The following EFR3A variants were observed in gnomAD, a reference collection of about 807,000 sequenced individuals.
The protein encoded by EFR3A is EFR3 homolog A, also known as protein EFR3 homolog A.
A neutral mutation model predicts 104.4 loss-of-function variants in EFR3A; 76 were observed. The observed-to-expected ratio is 0.73, with a 90% CI of 0.60 to 0.88. The LOEUF (loss-of-function observed/expected upper bound fraction) is 0.88. Ranked by LOEUF, EFR3A falls within the 40% of genes least tolerant of loss-of-function variation. The probability of loss-of-function intolerance (pLI) is 0.00; values close to 1 mark genes in which losing one functional copy is unlikely to be tolerated. For missense variants in EFR3A, 985 were observed against 1,012.5 expected, an observed-to-expected ratio of 0.97 and a Z score of 0.37; for synonymous variants, 330 against 330.0, an observed-to-expected ratio of 1.00 and a Z score of 0.00.
chr8:131,909,905 C>T (rs754698077), intron 1 of EFR3A, among the ~76,000 whole-genome samples: 3 of 152,196 alleles, frequency 2.0e-5, no homozygotes, highest in Non-Finnish European at 4.4e-5. Flanking sequence ...ATGTTATAGA[C>T]CATACTATGC....
chr8:132,002,144 G>C (rs1241230551), intron 20 of EFR3A, among the ~76,000 whole-genome samples: 1 of 152,118 alleles, frequency 6.6e-6, no homozygotes, highest in African/African-American at 2.4e-5. Flanking sequence ...AATGGAAAAG[G>C]CTACAACAAC....
chr8:131,992,188 T>C (rs1318586310), intron 18 of EFR3A, among the ~76,000 whole-genome samples: 1 of 152,140 alleles, frequency 6.6e-6, no homozygotes, highest in Non-Finnish European at 1.5e-5. Context: ...TATAAGCAGA[T>C]CAGCAGGCAT....
At chr8:131,951,234 A>G (rs982059428) in intron 5 of EFR3A, among the ~76,000 whole-genome samples, 5 of 152,138 alleles carry the variant, frequency 3.3e-5, no homozygotes, top group African/African-American at 1.2e-4. Context: ...ATTTTCAGGT[A>G]TAAGATTTGT....
At chr8:132,008,025 C>T (rs1822131953) in intron 22 of EFR3A, among the ~76,000 whole-genome samples, 1 of 151,928 alleles carries the variant, frequency 6.6e-6, no homozygotes, top group African/African-American at 2.4e-5. Flanking sequence ...AGAGTCCTCT[C>T]AGTCTTAAAA....
intron 10 of EFR3A, among the ~76,000 whole-genome samples, chr8:131,972,256 C>CAT (rs1554601639): frequency 7.2e-6 from 1 of 139,616 alleles, no homozygotes; most frequent in African/African-American, 2.7e-5. Flanking sequence ...CTCCCTGAAC[C>CAT]TTTTTTTTTT....
chr8:131,968,557 T>G, intron 9 of EFR3A, 127 bp downstream of exon 9: 1 of 1,053,414 alleles, frequency 9.5e-7, no homozygotes, highest in Non-Finnish European at 1.3e-6. Flanking sequence ...ACAATAATTT[T>G]TTTTGAAATT....
At chr8:131,984,052 G>A in intron 14 of EFR3A, 87 bp from the exon 15 acceptor site, 1 of 1,182,008 alleles carries the variant, frequency 8.5e-7, no homozygotes, top group Non-Finnish European at 1.1e-6. Flanking sequence ...TAATAACATA[G>A]CTACACTGTA....
chr8:131,931,962 T>TTA (rs1396446107), intron 1 of EFR3A, among the ~76,000 whole-genome samples: 1 of 152,010 alleles, frequency 6.6e-6, no homozygotes, highest in Non-Finnish European at 1.5e-5. Context: ...TGGTCAAAGT[T>TTA]TATGCCACTG....
chr8:131,963,475 A>C (rs925015445), intron 8 of EFR3A, among the ~76,000 whole-genome samples: 1 of 152,218 alleles, frequency 6.6e-6, no homozygotes, highest in Non-Finnish European at 1.5e-5. Context: ...ATCTAGAAGA[A>C]ATAGTTAAAT....
Position 131,978,918 on chromosome 8 carries a change from A to G in EFR3A, c.1398A>G (p.Ser466=). Residue 466 remains serine (S), a synonymous_variant, in exon 13 of 23, where the codon TCA becomes TCG. Transcript: ENST00000254624. ...LPGSFLDPLL[S]PSLMEDYELR... The stretch of plus-strand genomic sequence containing the variant: ...GGTCTTTCCTGGATCCTTTGTTATC[A>G]CCATCTCTCATGGAGGACTACGAAC... 1 of 1,613,092 alleles carries G rather than the reference A, an allele frequency of 6.2e-7. No homozygotes were observed. Among genetic ancestry groups the G allele is most frequent in the Non-Finnish European group, 8.5e-7 (1 of 1,179,282 alleles).
In EFR3A at chr8:131,985,021, G is replaced by A; in HGVS notation, c.1830G>A (p.Gln610=). 1.2e-6 allele frequency: 2 copies of A among 1,613,656 alleles called. No homozygotes were observed. The highest frequency in any genetic ancestry group is 1.7e-6 in the Non-Finnish European group (2 of 1,179,650). The part of the protein sequence containing the change: ...LVAAYLNFVS[Q]MIAVPAFCQH... ...CAGCATACCTCAACTTTGTAAGTCA[G>A]ATGATAGCTGTCCCTGCATTTTGCC... The change falls in exon 16 of 23, where the codon CAG becomes CAA. Residue 610 remains glutamine, a synonymous_variant. Coordinates refer to ENST00000254624, the MANE Select transcript of EFR3A (RefSeq NM_015137.6).
chr8:131,995,572 A>T (rs1486198648), intron 18 of EFR3A, among the ~76,000 whole-genome samples: 2 of 152,220 alleles, frequency 1.3e-5, no homozygotes, highest in East Asian at 3.8e-4. Flanking sequence ...TCAAATGTTC[A>T]TGAAGTGGTT....
chr8:131,953,505 A>G (rs1421438850), intron 5 of EFR3A, among the ~76,000 whole-genome samples: 4 of 152,128 alleles, frequency 2.6e-5, no homozygotes, highest in East Asian at 1.9e-4. Context: ...ATGGAGTATC[A>G]TTATCATTTT....
chr8:131,969,661 G>A (rs1410138534), intron 9 of EFR3A, among the ~76,000 whole-genome samples: 1 of 151,920 alleles, frequency 6.6e-6, no homozygotes, highest in African/African-American at 2.4e-5. Flanking sequence ...ATAAAGGTGG[G>A]CATCTTGGAT....
chr8:131,997,389 T>G (rs185963476), intron 19 of EFR3A, among the ~76,000 whole-genome samples: 87 of 152,220 alleles, frequency 5.7e-4, no homozygotes, highest in Non-Finnish European at 8.5e-4. Flanking sequence ...CCTATTGATT[T>G]ATTTGTCTTC....
In EFR3A at chr8:131,968,550, A is replaced by G. The variant is rs1586623536; in HGVS notation, c.991+120A>G. 2.7e-6 allele frequency: 3 copies of G among 1,131,172 alleles called. No homozygotes were observed. The East Asian group carries it at 8.0e-5, about 30-fold the overall frequency. 70.1% of individuals were successfully genotyped at this position (1,131,172 alleles called of 1,614,324 possible). A position where few individuals can be genotyped will look rare whatever the true frequency, so the allele number is the denominator to read the frequency against. Reference sequence around the variant, plus strand: ...ATTTCTACACATTTTTCGGTGTACAATAATTTTTTTTGAAATTTGGGTTCA... The same window carrying G: ...ATTTCTACACATTTTTCGGTGTACAGTAATTTTTTTTGAAATTTGGGTTCA... On this transcript the variant is annotated intron_variant, in intron 9 of 22. Transcript: ENST00000254624.
intron 1 of EFR3A, chr8:131,935,595 G>A (rs1817841161): frequency 2.6e-6 from 1 of 386,090 alleles, no homozygotes; most frequent in South Asian, 1.9e-5. Context: ...CATAGAAGGT[G>A]TAGATACTAT....
chr8:131,970,663 C>A lies in EFR3A; in HGVS notation c.1159+20C>A, dbSNP rs1461511127. The A allele has an allele frequency of 6.2e-7, 1 of 1,602,382 alleles. No individual in the cohort carries two copies. The highest frequency in any genetic ancestry group is 8.5e-7 in the Non-Finnish European group (1 of 1,173,262). ...CAATAGGTGAGTACATTTCACTTTT[C>A]AAAACTATCATGTAAAACAGTGATT... On this transcript the variant is annotated intron_variant, in intron 10 of 22. Coordinates refer to ENST00000254624, the MANE Select transcript of EFR3A (RefSeq NM_015137.6).
In EFR3A at chr8:131,953,736, T is replaced by G. The variant is rs1023055374; in HGVS notation, c.489-82T>G. ...ATAAGATAACAGTATTTACTTGATATCCATTCTCTTAGCTACGCAAACAGT... is the reference window on the plus strand; with the variant it reads ...ATAAGATAACAGTATTTACTTGATAGCCATTCTCTTAGCTACGCAAACAGT... On this transcript the variant is annotated intron_variant, in intron 5 of 22. Transcript: ENST00000254624. 203 of 1,211,636 alleles carry G rather than the reference T, an allele frequency of 1.7e-4. 2 individuals are homozygous for G. The highest frequency in any genetic ancestry group is 5.2e-5 in the Non-Finnish European group (47 of 899,990). 75.1% of individuals were successfully genotyped at this position (1,211,636 alleles called of 1,614,324 possible).
Sources: allele counts gnomAD v4.1 joint callset (sites outside exome capture counted in the v4.1 genomes callset), GRCh38; gene constraint gnomAD v4.1.1; transcripts MANE v1.5; gene names NCBI Gene and HGNC (gene_info 2026-07-23, HGNC 2026-07-21).